PALD1: variants seen among roughly 807,000 people sequenced by gnomAD.
The protein encoded by PALD1 is phosphatase domain containing paladin 1, also known as paladin.
Under a neutral mutation model 96.0 loss-of-function variants are expected in PALD1, and 57 were observed. That is an observed-to-expected ratio of 0.59 (90% CI 0.48 to 0.74). The LOEUF is 0.74. Among genes scored for constraint, PALD1 ranks in the 30% least tolerant of loss-of-function variants. PALD1 has a pLI of 0.00. For synonymous variants in PALD1, 464 were observed against 473.6 expected (o/e 0.98, Z 0.26); for missense variants, 1,063 against 1,143.7 (o/e 0.93, Z 1.02).
In PALD1 at chr10:70,539,058, G is replaced by T. The variant is rs761728460; in HGVS notation, c.1570-34G>T. The T allele has an allele frequency of 3.7e-6, 6 of 1,613,612 alleles. No homozygotes were observed. Among genetic ancestry groups the T allele is most frequent in the Admixed American group, 3.3e-5 (2 of 60,000 alleles). On this transcript the variant is annotated intron_variant, in intron 13 of 19. Transcript: ENST00000263563. This position sits in a 1 kb window ranked among gnomAD's most constrained non-coding sequence, Gnocchi z 4.5. ...CCCCCAGTGGGTTTGGGGAGGGAGG[G>T]CTGAGCACTCACTGCCGGCCCTCCT... is the stretch of plus-strand genomic sequence containing the variant.
chr10:70,546,367 G>A (rs994361783), intron 17 of PALD1, among the ~76,000 whole-genome samples: 1 of 152,208 alleles, frequency 6.6e-6, no homozygotes, highest in Admixed American at 6.5e-5. Context: ...TCACAGTCGT[G>A]CATTTAATAT....
intron 18 of PALD1, among the ~76,000 whole-genome samples, chr10:70,562,511 T>C (rs1847762013): frequency 6.6e-6 from 1 of 152,172 alleles, no homozygotes; most frequent in South Asian, 2.1e-4. Context: ...GCTGATGTTG[T>C]GTTCCTGTGC....
At chr10:70,466,747 G>A in the PALD1 span, among the ~76,000 whole-genome samples, 3 of 152,220 alleles carry the variant, frequency 2.0e-5, no homozygotes, top group Non-Finnish European at 4.4e-5. Context: ...GAAGTTGTAA[G>A]AGAACGTGAG....
In PALD1 at chr10:70,526,151, G is replaced by A; in HGVS notation, c.185+15G>A. 1 of 1,610,144 alleles carries A rather than the reference G, an allele frequency of 6.2e-7. No individual in the cohort carries two copies. Among genetic ancestry groups the A allele is most frequent in the South Asian group, 1.1e-5 (1 of 90,792 alleles). ...GTTGTGATCACGTGAGTGGCAGGGG[G>A]AGTGTGCCCATGTCCCTGGGAGACA... On this transcript the variant is annotated intron_variant, in intron 2 of 19. Coordinates refer to ENST00000263563, the MANE Select transcript of PALD1 (RefSeq NM_014431.3).
chr10:70,542,581 T>G (rs2132402919), intron 17 of PALD1, among the ~76,000 whole-genome samples: 1 of 152,394 alleles, frequency 6.6e-6, no homozygotes, highest in African/African-American at 2.4e-5. Context: ...TCTCAAGGTT[T>G]ACCCACATTG....
chr10:70,544,420 G>A (rs1258402926), intron 17 of PALD1, among the ~76,000 whole-genome samples: 1 of 152,120 alleles, frequency 6.6e-6, no homozygotes, highest in Non-Finnish European at 1.5e-5. Context: ...GAGGGAGGCA[G>A]AGGAGGTTGT....
At chr10:70,510,925 G>T (rs775348293) in intron 1 of PALD1, among the ~76,000 whole-genome samples, 1 of 152,108 alleles carries the variant, frequency 6.6e-6, no homozygotes, top group Non-Finnish European at 1.5e-5. Context: ...TCTCGTGTGT[G>T]TATCCTTAGC....
intron 1 of PALD1, among the ~76,000 whole-genome samples, chr10:70,515,882 G>A (rs1846610579): frequency 6.6e-6 from 1 of 152,188 alleles, no homozygotes; most frequent in African/African-American, 2.4e-5. Flanking sequence ...CCAGCCAGGG[G>A]TCAGGATGTG....
Position 70,510,647 on chromosome 10 carries a change from C to T in PALD1, c.-29-15276C>T, listed in dbSNP as rs374856351. On this transcript the variant is annotated intron_variant, in intron 1 of 19. Coordinates refer to ENST00000263563, the MANE Select transcript of PALD1 (RefSeq NM_014431.3). ...CTGAAAGAACCAACAGGGCAGGGTC[C>T]CTCCCATCCAGGTAACACCTTCTCG... Among the ~76,000 whole-genome samples, 35 of 152,290 alleles carry T rather than the reference C, an allele frequency of 2.3e-4. 1 individual carries two copies. The South Asian group carries it at 7.0e-3, about 31-fold the overall frequency.
intron 1 of PALD1, among the ~76,000 whole-genome samples, chr10:70,516,397 G>T (rs895334343): frequency 6.6e-6 from 1 of 152,286 alleles, no homozygotes; most frequent in Admixed American, 6.5e-5. Context: ...GCCTCTTACA[G>T]GTGTGAGCTA....
At chr10:70,557,930 C>CTTT (rs781513750) in intron 18 of PALD1, among the ~76,000 whole-genome samples, 5 of 92,884 alleles carry the variant, frequency 5.4e-5, no homozygotes, top group Admixed American at 1.4e-4. Flanking sequence ...TTGGCTCTTC[C>CTTT]TTTTTTTTTT....
At chr10:70,497,856 G>A (rs565438599) in intron 1 of PALD1, among the ~76,000 whole-genome samples, 1 of 152,104 alleles carries the variant, frequency 6.6e-6, no homozygotes, top group African/African-American at 2.4e-5. Flanking sequence ...ATTATAGGCG[G>A]GAGCCATGTG....
chr10:70,476,809 T>C (rs1845830934), upstream of PALD1, among the ~76,000 whole-genome samples: 1 of 152,120 alleles, frequency 6.6e-6, no homozygotes, highest in South Asian at 2.1e-4. Flanking sequence ...ACATAGCTTT[T>C]GTTCTCTGGG....
intron 18 of PALD1, among the ~76,000 whole-genome samples, chr10:70,550,551 A>G (rs1564708456): frequency 6.6e-6 from 1 of 152,204 alleles, no homozygotes; most frequent in Non-Finnish European, 1.5e-5. Flanking sequence ...GTACATTCAT[A>G]GAGTTGTGCA....
intron 18 of PALD1, among the ~76,000 whole-genome samples, chr10:70,553,488 C>T (rs779419963): frequency 2.5e-4 from 38 of 152,144 alleles, no homozygotes; most frequent in Non-Finnish European, 4.9e-4. Context: ...GACCCAGTGC[C>T]GGCCACACAT....
intron 1 of PALD1, among the ~76,000 whole-genome samples, chr10:70,512,796 G>T (rs1017278332): frequency 2.6e-5 from 4 of 152,244 alleles, no homozygotes; most frequent in African/African-American, 9.6e-5. Flanking sequence ...GTACAGTGTG[G>T]AAGTCCAGCC....
chr10:70,474,979 G>C (rs956727737), upstream of PALD1, among the ~76,000 whole-genome samples: 1 of 151,758 alleles, frequency 6.6e-6, no homozygotes, highest in African/African-American at 2.4e-5. Flanking sequence ...CCTCTGCCCT[G>C]GCAGGTTCAG....
At chr10:70,558,619 C>CT (rs1400537641) in intron 18 of PALD1, among the ~76,000 whole-genome samples, 1 of 151,920 alleles carries the variant, frequency 6.6e-6, no homozygotes, top group Non-Finnish European at 1.5e-5. Context: ...AGCGGAGCCT[C>CT]TAAGTGTCAC....
At chr10:70,460,031 G>T in the PALD1 span, among the ~76,000 whole-genome samples, 4 of 152,174 alleles carry the variant, frequency 2.6e-5, no homozygotes, top group South Asian at 6.2e-4. Context: ...GAGAGACTCC[G>T]TGTTACCAAA....
Sources: allele counts gnomAD v4.1 joint callset (sites outside exome capture counted in the v4.1 genomes callset), GRCh38; gene constraint gnomAD v4.1.1; non-coding constraint Gnocchi (gnomAD v3.1); transcripts MANE v1.5; gene names NCBI Gene and HGNC (gene_info 2026-07-23, HGNC 2026-07-21).